Variants in ARNT2 observed in about 807,000 individuals in gnomAD.
The protein encoded by ARNT2 is aryl hydrocarbon receptor nuclear translocator 2.
In ARNT2, 36 loss-of-function variants were observed where a neutral mutation model predicts 91.7. The observed-to-expected ratio is 0.39, with a 90% CI of 0.30 to 0.52. The LOEUF (loss-of-function observed/expected upper bound fraction) is 0.52, where lower values mean the gene tolerates loss of function less well. Ranked by LOEUF, ARNT2 falls within the 20% of genes least tolerant of loss-of-function variation. The probability of loss-of-function intolerance (pLI) is 0.72; values close to 1 mark genes in which losing one functional copy is unlikely to be tolerated. For missense variants in ARNT2, 775 were observed against 939.3 expected, an observed-to-expected ratio of 0.83 and a Z score of 2.29; for synonymous variants, 365 against 347.1, an observed-to-expected ratio of 1.05 and a Z score of -0.57.
At chr15:80,488,642 C>T (rs1897010972) in intron 5 of ARNT2, 1 of 152,100 alleles carries the variant, frequency 6.6e-6, no homozygotes, top group African/African-American at 2.4e-5. Flanking sequence ...TCAAAAGCTA[C>T]CCTGATGATT....
intron 5 of ARNT2, among the ~76,000 whole-genome samples, chr15:80,501,269 T>A (rs74417741): frequency 6.6e-6 from 1 of 151,988 alleles, no homozygotes; most frequent in South Asian, 2.1e-4. Context: ...AAAATAATAT[T>A]AAAAGAGCCT....
chr15:80,470,703 A>G (rs1412860802), intron 4 of ARNT2, among the ~76,000 whole-genome samples: 1 of 152,274 alleles, frequency 6.6e-6, no homozygotes, highest in Non-Finnish European at 1.5e-5. Flanking sequence ...TGACACAGGA[A>G]GAAGTTAGTA....
rs1596031186 is a variant in ARNT2, at chr15:80,597,028, T to C, written c.*3330T>C. On this transcript the variant is annotated 3_prime_UTR_variant, in exon 19 of 19. Transcript: ENST00000303329. ...CAGATTCTACACTGTTGTTATTTCA[T>C]GAGACGTGAATGTTGCAGAGAGTGG... 5 of 417,708 alleles carry C rather than the reference T, an allele frequency of 1.2e-5. No homozygotes were observed. In the East Asian group the frequency reaches 2.6e-4, roughly 22 times the overall value. 25.9% of individuals were successfully genotyped at this position (417,708 alleles called of 1,614,324 possible). A position where few individuals can be genotyped will look rare whatever the true frequency, so the allele number is the denominator to read the frequency against.
chr15:80,463,801 C>T (rs1896602754), intron 3 of ARNT2, among the ~76,000 whole-genome samples: 1 of 151,946 alleles, frequency 6.6e-6, no homozygotes, highest in African/African-American at 2.4e-5. Context: ...GCTGGCCAAC[C>T]TCAGGTGATC....
chr15:80,418,074 A>T (rs1895812160), intron 1 of ARNT2, among the ~76,000 whole-genome samples: 1 of 152,172 alleles, frequency 6.6e-6, no homozygotes, highest in Non-Finnish European at 1.5e-5. Flanking sequence ...TTCTCTCAGC[A>T]CCATCCTAGT....
chr15:80,508,325 GC>G, intron 6 of ARNT2, 67 bp downstream of exon 6: 1 of 1,514,112 alleles, frequency 6.6e-7, no homozygotes, highest in East Asian at 2.3e-5. Context: ...ACCGTTAAGA[GC>G]CTTGACCAGC....
intron 1 of ARNT2, chr15:80,442,843 A>G (rs1896214552): frequency 1.0e-6 from 1 of 985,430 alleles, no homozygotes; most frequent in Non-Finnish European, 1.2e-6. Context: ...ACAGTGTAGG[A>G]GGATCAGGTG....
At chr15:80,548,707 A>C (rs1396321606) in intron 8 of ARNT2, among the ~76,000 whole-genome samples, 1 of 152,162 alleles carries the variant, frequency 6.6e-6, no homozygotes, top group Non-Finnish European at 1.5e-5. Flanking sequence ...ACAAAGTACA[A>C]GTATATATGA....
chr15:80,508,336 C>T (rs1897301312), intron 6 of ARNT2, 78 bp downstream of exon 6: 1 of 1,452,914 alleles, frequency 6.9e-7, no homozygotes, highest in Non-Finnish European at 9.6e-7. Flanking sequence ...CCTTGACCAG[C>T]TCTGCCGCAG....
Position 80,404,627 on chromosome 15 carries a change from G to GC in ARNT2, c.31+86dup. On this transcript the variant is annotated intron_variant, in intron 1 of 18. Transcript: ENST00000303329. The surrounding 1 kb of genome is among the most constrained non-coding windows in gnomAD (Gnocchi z 5.5). ...CCGGAGCGGACCAGGCGCGCCGGGC[G>GC]CCCCCGGGGGCGCGGAGCCGCAGCT... 4 of 940,938 alleles carry GC rather than the reference G, an allele frequency of 4.3e-6. No homozygotes were observed. The highest frequency in any genetic ancestry group is 3.8e-6 in the Non-Finnish European group (3 of 783,826). 58.3% of individuals were successfully genotyped at this position (940,938 alleles called of 1,614,324 possible).
In ARNT2 at chr15:80,514,338, G is replaced by C. The variant is rs1566991026; in HGVS notation, c.810G>C (p.Val270=). ...TTTTTAGGAATGGCCTTGGCCCTGT[G>C]AAAGAAGGAGAAGCCCAATATGCTG... The part of the protein sequence containing the change: ...RKRFRNGLGP[V]KEGEAQYAVV... The change falls in exon 8 of 19, where the codon GTG becomes GTC. Residue 270 remains valine, a synonymous_variant. Transcript: ENST00000303329. 2.5e-6 allele frequency: 4 copies of C among 1,614,168 alleles called. No individual in the cohort carries two copies. Among genetic ancestry groups the C allele is most frequent in the Non-Finnish European group, 3.4e-6 (4 of 1,180,018 alleles).
In ARNT2 at chr15:80,458,679, C is replaced by G. The variant is rs538356136; in HGVS notation, c.194+703C>G. Among the ~76,000 whole-genome samples the G allele has an allele frequency of 3.9e-3, 569 of 146,978 alleles. 2 individuals carry two copies. Among genetic ancestry groups the G allele is most frequent in the African/African-American group, 0.013 (531 of 40,146 alleles). On this transcript the variant is annotated intron_variant, in intron 3 of 18. Coordinates refer to ENST00000303329, the MANE Select transcript of ARNT2 (RefSeq NM_014862.4). Reference sequence around the variant, plus strand: ...CCATGACTGTGTCTTTTTTTTTTTTCCATTTTGTTTAAGATATGGTAGGAA... The same window carrying G: ...CCATGACTGTGTCTTTTTTTTTTTTGCATTTTGTTTAAGATATGGTAGGAA...
intron 11 of ARNT2, among the ~76,000 whole-genome samples, chr15:80,557,571 G>A (rs1414783136): frequency 1.3e-5 from 2 of 152,122 alleles, no homozygotes; most frequent in Non-Finnish European, 2.9e-5. Context: ...GTTTACCTAT[G>A]TAACAACTGG....
intron 6 of ARNT2, among the ~76,000 whole-genome samples, chr15:80,513,316 C>A (rs1303591635): frequency 6.6e-6 from 1 of 152,150 alleles, no homozygotes; most frequent in Non-Finnish European, 1.5e-5. Flanking sequence ...GATGGGGACT[C>A]ACAGAAAGAC....
chr15:80,551,202 T>C lies in ARNT2; in HGVS notation c.881T>C (p.Met294Thr), dbSNP rs772405445. ...ACACAGGTATTTCCCATTTCAGGAA[T>C]GACCATACCTGAAGAAGACGCTGAT... is the stretch of plus-strand genomic sequence containing the variant. ...GYIKAWPPAG[M>T]TIPEEDADVG... Residue 294 changes from methionine to threonine, a missense_variant, in exon 9 of 19, where the codon ATG (methionine) becomes ACG (threonine). By Grantham distance (81) the Met-to-Thr change is moderately conservative. This residue lies in a region of ARNT2 where 285 missense variants were observed against 327.2 expected (regional missense o/e 0.87). Coordinates refer to ENST00000303329, the MANE Select transcript of ARNT2 (RefSeq NM_014862.4). 6 of 1,613,728 alleles carry C rather than the reference T, an allele frequency of 3.7e-6. No homozygotes were observed. Among genetic ancestry groups the C allele is most frequent in the Non-Finnish European group, 5.1e-6 (6 of 1,179,674 alleles).
chr15:80,566,510 A>G (rs1898486295), intron 12 of ARNT2, among the ~76,000 whole-genome samples: 1 of 151,904 alleles, frequency 6.6e-6, no homozygotes, highest in Non-Finnish European at 1.5e-5. Context: ...GGGCTTTCAC[A>G]TAGGCACCTG....
At chr15:80,446,328 T>C (rs1896303791) in intron 1 of ARNT2, among the ~76,000 whole-genome samples, 2 of 152,192 alleles carry the variant, frequency 1.3e-5, no homozygotes, top group South Asian at 2.1e-4. Context: ...AACCGTGTGA[T>C]GTAAGTATTT....
At chr15:80,559,095 T>A (rs922342284) in intron 11 of ARNT2, among the ~76,000 whole-genome samples, 1 of 152,204 alleles carries the variant, frequency 6.6e-6, no homozygotes, top group Admixed American at 6.5e-5. Context: ...CTCCAATGCA[T>A]TCAATCACAA....
chr15:80,428,976 C>T (rs1457931481), intron 1 of ARNT2, among the ~76,000 whole-genome samples: 1 of 152,164 alleles, frequency 6.6e-6, no homozygotes, highest in Non-Finnish European at 1.5e-5. Context: ...TATTAGAATA[C>T]TGTATTCCAA....
Sources: allele counts gnomAD v4.1 joint callset (sites outside exome capture counted in the v4.1 genomes callset), GRCh38; gene constraint gnomAD v4.1.1; regional missense constraint gnomAD v4.1.1; non-coding constraint Gnocchi (gnomAD v3.1); transcripts MANE v1.5; gene names NCBI Gene and HGNC (gene_info 2026-07-23, HGNC 2026-07-21).